Variants in TASP1 observed in about 807,000 individuals in gnomAD.
The protein encoded by TASP1 is threonine aspartase 1.
A neutral mutation model predicts 56.6 loss-of-function variants in TASP1; 16 were observed. That is an observed-to-expected ratio of 0.28 (90% CI 0.19 to 0.43). The LOEUF (loss-of-function observed/expected upper bound fraction) is 0.43, where lower values mean the gene tolerates loss of function less well. Among genes scored for constraint, TASP1 ranks in the 20% least tolerant of loss-of-function variants. The pLI, the probability that TASP1 is intolerant of heterozygous loss-of-function variation, is 1.00. For missense variants in TASP1, 393 were observed against 511.6 expected (o/e 0.77, Z 2.24); for synonymous variants, 179 against 184.2 (o/e 0.97, Z 0.23).
At position 13,600,957 on chromosome 20, in the gene TASP1, T is replaced by C. The variant is rs192861518; in HGVS notation, c.283-13587A>G. Among the ~76,000 whole-genome samples, 5 of 152,252 alleles carry C rather than the reference T, an allele frequency of 3.3e-5. No individual in the cohort carries two copies. The East Asian group carries it at 5.8e-4, about 18-fold the overall frequency. On this transcript the variant is annotated intron_variant, in intron 4 of 13. Coordinates refer to ENST00000337743, the MANE Select transcript of TASP1 (RefSeq NM_017714.3). ...CAGTATTCCTTGGAGAAATGGCTGA[T>C]TCTAGGACTGAGGCAAGAAATGTAC...
chr20:13,380,246 C>A, the TASP1 span, among the ~76,000 whole-genome samples: 1 of 152,186 alleles, frequency 6.6e-6, no homozygotes, highest in South Asian at 2.1e-4. Context: ...GTGACCTTCA[C>A]ATGGAGTTTT....
chr20:13,429,421 G>T (rs923165196), intron 12 of TASP1, among the ~76,000 whole-genome samples: 1 of 151,960 alleles, frequency 6.6e-6, no homozygotes. Context: ...TGAATGAAGA[G>T]AAAAACTAGT....
the TASP1 span, among the ~76,000 whole-genome samples, chr20:13,156,039 A>G: frequency 6.6e-6 from 1 of 152,150 alleles, no homozygotes; most frequent in South Asian, 2.1e-4. Context: ...ATCTTTAACC[A>G]TCTGATTTTT....
intron 8 of TASP1, among the ~76,000 whole-genome samples, chr20:13,540,679 T>C (rs1474414369): frequency 6.6e-6 from 1 of 152,048 alleles, no homozygotes; most frequent in African/African-American, 2.4e-5. Flanking sequence ...AAAACTATGG[T>C]GAAAAAGAAT....
At chr20:13,512,974 T>A (rs1347580941) in intron 10 of TASP1, among the ~76,000 whole-genome samples, 1 of 152,190 alleles carries the variant, frequency 6.6e-6, no homozygotes, top group Admixed American at 6.6e-5. Context: ...TCTGTTTTGG[T>A]ACCAGTACCA....
At chr20:13,382,057 T>C in the TASP1 span, among the ~76,000 whole-genome samples, 201 of 152,154 alleles carry the variant, frequency 1.3e-3, no homozygotes, top group African/African-American at 4.7e-3. Flanking sequence ...CCTGGTGAGA[T>C]AGAGTAGGAC....
At chr20:13,199,169 C>T in the TASP1 span, among the ~76,000 whole-genome samples, 1 of 151,812 alleles carries the variant, frequency 6.6e-6, no homozygotes, top group Non-Finnish European at 1.5e-5. Context: ...TCCCAAAGTT[C>T]TGGGATTATA....
chr20:13,414,818 T>TA (rs144659828), intron 13 of TASP1, among the ~76,000 whole-genome samples: 9,555 of 148,908 alleles, frequency 0.064, 434 homozygotes, highest in African/African-American at 0.13. Flanking sequence ...GAACATTCTT[T>TA]AAAAAAAAAA....
At chr20:13,529,647 C>CATATTGTTG (rs2045133874) in intron 9 of TASP1, among the ~76,000 whole-genome samples, 1 of 152,062 alleles carries the variant, frequency 6.6e-6, no homozygotes, top group African/African-American at 2.4e-5. Context: ...GAATTGAAAA[C>CATATTGTTG]AATAGCAAGC....
chr20:13,276,099 G>A, the TASP1 span, among the ~76,000 whole-genome samples: 1 of 152,252 alleles, frequency 6.6e-6, no homozygotes, highest in African/African-American at 2.4e-5. Context: ...CGAGGAAGAA[G>A]GGGTAGAATA....
chr20:13,196,276 T>A, the TASP1 span, among the ~76,000 whole-genome samples: 1 of 152,258 alleles, frequency 6.6e-6, no homozygotes, highest in African/African-American at 2.4e-5. Context: ...GAAGAAATGA[T>A]GGCCTATTAT....
chr20:13,278,623 C>A, the TASP1 span, among the ~76,000 whole-genome samples: 1 of 152,220 alleles, frequency 6.6e-6, no homozygotes, highest in African/African-American at 2.4e-5. Flanking sequence ...GTTGATGTCT[C>A]TGTGCACCAG....
the TASP1 span, among the ~76,000 whole-genome samples, chr20:13,331,027 A>G: frequency 6.6e-6 from 1 of 152,062 alleles, no homozygotes; most frequent in African/African-American, 2.4e-5. Flanking sequence ...CTATATCTGC[A>G]TGATTTTCTT....
the TASP1 span, chr20:13,299,677 C>G: frequency 9.8e-5 from 48 of 487,844 alleles, no homozygotes; most frequent in African/African-American, 8.4e-4. The surrounding 1 kb of genome is among the most constrained non-coding windows in gnomAD (Gnocchi z 5.8). Flanking sequence ...CTTGAAAGTG[C>G]CCCTGGGGAG....
chr20:13,218,011 A>T, the TASP1 span, among the ~76,000 whole-genome samples: 27 of 152,108 alleles, frequency 1.8e-4, no homozygotes, highest in Non-Finnish European at 3.7e-4. Context: ...GCACTTTGGG[A>T]GGCCGAAGCG....
chr20:13,214,831 C>A, the TASP1 span, among the ~76,000 whole-genome samples: 2 of 152,152 alleles, frequency 1.3e-5, no homozygotes, highest in Non-Finnish European at 2.9e-5. Context: ...ATTATGCTTG[C>A]AACTTTTCTA....
chr20:13,369,629 C>T, the TASP1 span, among the ~76,000 whole-genome samples: 11 of 152,146 alleles, frequency 7.2e-5, no homozygotes, highest in East Asian at 1.9e-4. Context: ...ATGGCTGTGT[C>T]GCAATTTCCC....
At chr20:13,114,772 G>T in the TASP1 span, among the ~76,000 whole-genome samples, 1 of 151,612 alleles carries the variant, frequency 6.6e-6, no homozygotes, top group Admixed American at 6.6e-5. Flanking sequence ...TACACTTTGG[G>T]CCCACCAAGG....
intron 8 of TASP1, among the ~76,000 whole-genome samples, chr20:13,554,536 T>TA (rs1043986105): frequency 2.6e-5 from 4 of 152,060 alleles, no homozygotes; most frequent in Non-Finnish European, 2.9e-5. Flanking sequence ...ATCAATGCAA[T>TA]AAAAAAATCC....
Sources: allele counts gnomAD v4.1 joint callset (sites outside exome capture counted in the v4.1 genomes callset), GRCh38; gene constraint gnomAD v4.1.1; non-coding constraint Gnocchi (gnomAD v3.1); transcripts MANE v1.5; gene names NCBI Gene and HGNC (gene_info 2026-07-23, HGNC 2026-07-21).